The following PTPRD variants were observed in gnomAD, a reference collection of about 807,000 sequenced individuals.
PTPRD encodes protein tyrosine phosphatase receptor type D, also known as receptor-type tyrosine-protein phosphatase delta.
A neutral mutation model predicts 214.5 loss-of-function variants in PTPRD; 34 were observed. That is an observed-to-expected ratio of 0.16 (90% CI 0.12 to 0.21). PTPRD has a LOEUF of 0.21. Among genes scored for constraint, PTPRD ranks in the 10% least tolerant of loss-of-function variants. The pLI, the probability that PTPRD is intolerant of heterozygous loss-of-function variation, is 1.00. For synonymous variants in PTPRD, 1,128 were observed against 845.7 expected (o/e 1.33, Z -5.79); for missense variants, 2,545 against 2,398.7 (o/e 1.06, Z -1.27).
intron 11 of PTPRD, among the ~76,000 whole-genome samples, chr9:8,870,127 A>T (rs1367450507): frequency 1.5e-5 from 1 of 67,302 alleles, no homozygotes; most frequent in Non-Finnish European, 2.8e-5. Context: ...TCCATCAGTT[A>T]AAAAAAAAAA....
intron 2 of PTPRD, among the ~76,000 whole-genome samples, chr9:10,366,324 C>A (rs375677468): frequency 6.6e-6 from 1 of 152,218 alleles, no homozygotes; most frequent in African/African-American, 2.4e-5. Context: ...ATACAGAATA[C>A]GGAAGGCTCA....
intron 36 of PTPRD, among the ~76,000 whole-genome samples, chr9:8,400,405 C>A (rs537832027): frequency 2.0e-5 from 3 of 152,206 alleles, no homozygotes; most frequent in East Asian, 3.9e-4. Flanking sequence ...TGACTCTGGT[C>A]CACCTGAATG....
chr9:9,331,078 G>A (rs907249809), intron 9 of PTPRD, among the ~76,000 whole-genome samples: 1 of 152,024 alleles, frequency 6.6e-6, no homozygotes, highest in South Asian at 2.1e-4. Context: ...AAGACCTGCA[G>A]TTGGGCTGAA....
intron 2 of PTPRD, among the ~76,000 whole-genome samples, chr9:10,388,996 T>C (rs1357655540): frequency 2.0e-5 from 3 of 151,860 alleles, no homozygotes; most frequent in Admixed American, 1.3e-4. Context: ...TCAATATAAG[T>C]ATTATTATAA....
At chr9:8,484,475 A>G (rs2096954856) in intron 29 of PTPRD, 97 bp from the exon 30 acceptor site, 2 of 1,226,156 alleles carry the variant, frequency 1.6e-6, no homozygotes, top group Admixed American at 2.7e-5. Context: ...AAATGTATAT[A>G]TAGTCAATTC....
At chr9:10,558,947 G>A (rs1478245760) in intron 2 of PTPRD, among the ~76,000 whole-genome samples, 1 of 152,086 alleles carries the variant, frequency 6.6e-6, no homozygotes. Flanking sequence ...CATGTGAAAG[G>A]AAAAACTGAT....
At chr9:9,465,704 T>TTTAATGTGAGATTTTGC (rs2094093329) in intron 8 of PTPRD, among the ~76,000 whole-genome samples, 1 of 152,156 alleles carries the variant, frequency 6.6e-6, no homozygotes, top group African/African-American at 2.4e-5. Flanking sequence ...GCACCAAACA[T>TTTAATGTGAGATTTTGC]TTAATGTGAG....
chr9:9,192,352 C>A (rs1017783526), intron 9 of PTPRD, among the ~76,000 whole-genome samples: 1 of 152,030 alleles, frequency 6.6e-6, no homozygotes, highest in Admixed American at 6.6e-5. Context: ...TACAGTGAAG[C>A]ATGAGCCCCA....
chr9:9,608,747 T>A (rs1034355239), intron 7 of PTPRD, among the ~76,000 whole-genome samples: 2 of 152,230 alleles, frequency 1.3e-5, no homozygotes, highest in African/African-American at 4.8e-5. Flanking sequence ...TAAAGGCACT[T>A]AACTTGCTTC....
At chr9:10,004,412 G>C (rs1364385577) in intron 4 of PTPRD, among the ~76,000 whole-genome samples, 1 of 151,862 alleles carries the variant, frequency 6.6e-6, no homozygotes, top group Admixed American at 6.6e-5. Context: ...AATATTTGCA[G>C]AACCCCAATC....
At chr9:8,543,223 A>G (rs1348878174) in intron 14 of PTPRD, among the ~76,000 whole-genome samples, 3 of 152,206 alleles carry the variant, frequency 2.0e-5, no homozygotes, top group Non-Finnish European at 4.4e-5. Context: ...ATTTTCGTTT[A>G]GTTGTAATAG....
chr9:10,542,323 A>C (rs2059288780), intron 2 of PTPRD, among the ~76,000 whole-genome samples: 2 of 152,148 alleles, frequency 1.3e-5, no homozygotes, highest in African/African-American at 4.8e-5. Flanking sequence ...TCTACTTACT[A>C]TCCACTTGTT....
intron 8 of PTPRD, among the ~76,000 whole-genome samples, chr9:9,504,017 C>A (rs1006920582): frequency 6.6e-6 from 1 of 151,600 alleles, no homozygotes; most frequent in African/African-American, 2.4e-5. Flanking sequence ...CTTTAAAAAT[C>A]TTTGTCTTCC....
intron 12 of PTPRD, among the ~76,000 whole-genome samples, chr9:8,653,576 A>G: frequency 6.6e-6 from 1 of 152,114 alleles, no homozygotes. Flanking sequence ...TGCCTGAGAA[A>G]TCACAACACT....
At chr9:10,170,358 T>C (rs551676520) in intron 3 of PTPRD, among the ~76,000 whole-genome samples, 3 of 152,298 alleles carry the variant, frequency 2.0e-5, no homozygotes, top group East Asian at 3.9e-4. Context: ...CAAATAAAAT[T>C]AAATTATTCT....
At chr9:8,994,504 A>C (rs2099389072) in intron 11 of PTPRD, among the ~76,000 whole-genome samples, 1 of 152,118 alleles carries the variant, frequency 6.6e-6, no homozygotes, top group South Asian at 2.1e-4. Flanking sequence ...TAAAAGAGGG[A>C]AACAAAGAGC....
intron 7 of PTPRD, among the ~76,000 whole-genome samples, chr9:9,603,218 G>T (rs989718061): frequency 6.6e-6 from 1 of 152,082 alleles, no homozygotes; most frequent in Non-Finnish European, 1.5e-5. Context: ...GTTGCTGTCG[G>T]AATAGCTTTA....
rs2098946933 is a variant in PTPRD, at chr9:8,930,737, CT to C, written c.-104+87959del. Among the ~76,000 whole-genome samples the C allele has an allele frequency of 3.3e-5, 5 of 152,222 alleles. No homozygotes were observed. The South Asian group carries it at 1.0e-3, about 32-fold the overall frequency. ...TGATGATGAGCATTTTTTCATGTGTCTTTTGGCTGCATTAATGTCTTCTTTT... is the reference window on the plus strand; with the variant it reads ...TGATGATGAGCATTTTTTCATGTGTCTTTGGCTGCATTAATGTCTTCTTTT... On this transcript the variant is annotated intron_variant, in intron 11 of 45. Transcript: ENST00000381196.
chr9:10,321,335 T>A (rs1330462438), intron 3 of PTPRD, among the ~76,000 whole-genome samples: 1 of 151,544 alleles, frequency 6.6e-6, no homozygotes, highest in Non-Finnish European at 1.5e-5. Context: ...ATATGAAGAG[T>A]GAGAAGGGCA....
Sources: allele counts gnomAD v4.1 joint callset (sites outside exome capture counted in the v4.1 genomes callset), GRCh38; gene constraint gnomAD v4.1.1; transcripts MANE v1.5; gene names NCBI Gene and HGNC (gene_info 2026-07-23, HGNC 2026-07-21).